The following DPP10 variants were observed in gnomAD, a reference collection of about 807,000 sequenced individuals.
The protein encoded by DPP10 is inactive dipeptidyl peptidase 10.
DPP10 carries 33 observed loss-of-function variants against 120.9 expected under a neutral mutation model. That is an observed-to-expected ratio of 0.27 (90% confidence interval 0.21 to 0.37). The LOEUF is 0.37. Ranked by LOEUF, DPP10 falls within the 10% of genes least tolerant of loss-of-function variation. The probability of loss-of-function intolerance (pLI) is 1.00; values close to 1 mark genes in which losing one functional copy is unlikely to be tolerated. For synonymous variants in DPP10, 337 were observed against 326.1 expected (o/e 1.03, Z -0.36); for missense variants, 816 against 942.8 (o/e 0.87, Z 1.76).
chr2:115,345,801 T>C (rs1230526916), intron 3 of DPP10, among the ~76,000 whole-genome samples: 1 of 152,188 alleles, frequency 6.6e-6, no homozygotes, highest in Non-Finnish European at 1.5e-5. Context: ...CAGATTCTAC[T>C]CTTATACTTC....
intron 1 of DPP10, among the ~76,000 whole-genome samples, chr2:114,879,573 G>A (rs922343139): frequency 6.6e-6 from 1 of 152,068 alleles, no homozygotes; most frequent in Non-Finnish European, 1.5e-5. Context: ...AAGTGCAAAT[G>A]GGAAAGCTGC....
chr2:114,601,158 A>T (rs562425488), intron 1 of DPP10, among the ~76,000 whole-genome samples: 3 of 152,022 alleles, frequency 2.0e-5, no homozygotes, highest in African/African-American at 7.2e-5. Flanking sequence ...TAGATAGCTG[A>T]TACATGCTTG....
chr2:114,444,408 A>G (rs769813332), intron 1 of DPP10, among the ~76,000 whole-genome samples: 3 of 152,196 alleles, frequency 2.0e-5, no homozygotes, highest in East Asian at 1.9e-4. Context: ...CTAGAATGCT[A>G]TAACAAAACC....
At chr2:114,608,399 G>C in intron 1 of DPP10, among the ~76,000 whole-genome samples, 1 of 151,912 alleles carries the variant, frequency 6.6e-6, no homozygotes, top group East Asian at 1.9e-4. Context: ...TAGAAGGAGA[G>C]GGGTTTGAGG....
chr2:115,131,641 T>G (rs1166046917), intron 1 of DPP10, among the ~76,000 whole-genome samples: 1 of 152,320 alleles, frequency 6.6e-6, no homozygotes, highest in Admixed American at 6.5e-5. Context: ...CAAATCCATC[T>G]GAAGAATTCC....
intron 1 of DPP10, among the ~76,000 whole-genome samples, chr2:114,613,933 CCAG>C (rs1369899627): frequency 2.0e-5 from 3 of 151,870 alleles, no homozygotes; most frequent in Non-Finnish European, 4.4e-5. Flanking sequence ...ACACATGGAC[CCAG>C]GAAGGGGAAC....
intron 1 of DPP10, among the ~76,000 whole-genome samples, chr2:114,532,783 TCATGGAAAGTTTA>T (rs1364055980): frequency 6.6e-6 from 1 of 152,106 alleles, no homozygotes; most frequent in Non-Finnish European, 1.5e-5. Flanking sequence ...GGTCCCAACT[TCATGGAAAGTTTA>T]CATGGATGAG....
intron 21 of DPP10, among the ~76,000 whole-genome samples, chr2:115,819,746 C>G (rs888954318): frequency 8.5e-5 from 13 of 152,160 alleles, no homozygotes; most frequent in Admixed American, 2.6e-4. Context: ...GTAATCCCAG[C>G]ACCTTGGGAG....
chr2:114,688,691 T>C (rs1334550098), intron 1 of DPP10, among the ~76,000 whole-genome samples: 3 of 151,934 alleles, frequency 2.0e-5, no homozygotes, highest in African/African-American at 7.2e-5. Flanking sequence ...ACAGTCTAAG[T>C]GACTGACAAG....
chr2:114,859,366 C>CA lies in DPP10; in HGVS notation c.60+416544dup, dbSNP rs58306246. ...CTGGGCAACAAGAGTGAAACTCCGT[C>CA]AAAAAAAAAAAAAAAAGAGAAAGAA... On this transcript the variant is annotated intron_variant, in intron 1 of 25. Transcript: ENST00000410059. Among the ~76,000 whole-genome samples, 740 of 129,958 alleles carry CA rather than the reference C, an allele frequency of 5.7e-3. 9 individuals carry two copies. The highest frequency in any genetic ancestry group is 0.02 in the African/African-American group (710 of 34,874). 85.3% of individuals were successfully genotyped at this position (129,958 alleles called of 152,430 possible). A position where few individuals can be genotyped will look rare whatever the true frequency, so the allele number is the denominator to read the frequency against.
At chr2:115,801,504 C>A (rs1685235254) in intron 19 of DPP10, among the ~76,000 whole-genome samples, 1 of 152,080 alleles carries the variant, frequency 6.6e-6, no homozygotes, top group African/African-American at 2.4e-5. Context: ...ACATACCTGT[C>A]TTGTGCCAGT....
Position 114,458,418 on chromosome 2 carries a change from A to AT in DPP10, c.60+15589dup, listed in dbSNP as rs564505515. 3.3e-3 allele frequency among the ~76,000 whole-genome samples: 499 copies of AT among 151,760 alleles called. 3 individuals are homozygous for AT. Among genetic ancestry groups the AT allele is most frequent in the African/African-American group, 0.011 (459 of 41,390 alleles). On this transcript the variant is annotated intron_variant, in intron 1 of 25. Transcript: ENST00000410059. ...TCTAAGATTCTGCATTTTGAGACTG[A>AT]TTTTTTTTTAAATAAAGAGGTTGAC... is the stretch of plus-strand genomic sequence containing the variant.
intron 7 of DPP10, among the ~76,000 whole-genome samples, chr2:115,693,936 T>A (rs909665454): frequency 1.3e-5 from 2 of 152,172 alleles, no homozygotes; most frequent in Non-Finnish European, 2.9e-5. Context: ...AAGTATTTTG[T>A]AGGTATTCAC....
intron 1 of DPP10, among the ~76,000 whole-genome samples, chr2:114,898,952 G>A (rs1397010697): frequency 6.6e-6 from 1 of 152,080 alleles, no homozygotes; most frequent in Non-Finnish European, 1.5e-5. Context: ...CAATCCTCTG[G>A]ATGTGGACTA....
intron 5 of DPP10, among the ~76,000 whole-genome samples, chr2:115,585,262 C>G (rs2082218923): frequency 1.3e-5 from 2 of 152,030 alleles, no homozygotes; most frequent in South Asian, 4.1e-4. Flanking sequence ...ACTGAAATTC[C>G]AAAGGTCTTA....
At chr2:115,795,331 A>T (rs890197792) in intron 19 of DPP10, among the ~76,000 whole-genome samples, 1 of 152,126 alleles carries the variant, frequency 6.6e-6, no homozygotes, top group Non-Finnish European at 1.5e-5. Flanking sequence ...CACACTCGTT[A>T]AAGGTCTAAT....
Position 115,308,092 on chromosome 2 carries a change from A to G in DPP10, c.61-1147A>G, listed in dbSNP as rs543609172. Among the ~76,000 whole-genome samples the G allele has an allele frequency of 6.6e-5, 10 of 152,254 alleles. No individual in the cohort carries two copies. The South Asian group carries it at 8.3e-4, about 13-fold the overall frequency. On this transcript the variant is annotated intron_variant, in intron 1 of 25. Transcript: ENST00000410059. ...TTCTTCTTGTATTTATTTAGAGTCT[A>G]GTTCTTTAAATCTGCCGGGTTTATG...
At chr2:114,489,204 C>T (rs373626514) in intron 1 of DPP10, among the ~76,000 whole-genome samples, 3 of 152,210 alleles carry the variant, frequency 2.0e-5, no homozygotes, top group Non-Finnish European at 4.4e-5. Flanking sequence ...TTTTCCCCTG[C>T]ACTGTTATGT....
At chr2:115,067,861 C>CAAAAAAAAAAAAAAAAAAAAAA (rs201964006) in intron 1 of DPP10, among the ~76,000 whole-genome samples, 1 of 86,848 alleles carries the variant, frequency 1.2e-5, no homozygotes, top group Non-Finnish European at 2.3e-5. Flanking sequence ...GACTCTGTCT[C>CAAAAAAAAAAAAAAAAAAAAAA]AAAAAAAAAA....
Sources: allele counts gnomAD v4.1 joint callset (sites outside exome capture counted in the v4.1 genomes callset), GRCh38; gene constraint gnomAD v4.1.1; transcripts MANE v1.5; gene names NCBI Gene and HGNC (gene_info 2026-07-23, HGNC 2026-07-21).